The following N4BP2 variants were observed in gnomAD, a reference collection of about 807,000 sequenced individuals.
The protein encoded by N4BP2 is NEDD4-binding protein 2.
Under a neutral mutation model 152.8 loss-of-function variants are expected in N4BP2, and 91 were observed. That is an observed-to-expected ratio of 0.60 (90% CI 0.50 to 0.71). The LOEUF (loss-of-function observed/expected upper bound fraction) is 0.71, where lower values mean the gene tolerates loss of function less well. N4BP2 is among the 30% of genes least tolerant of loss of function. N4BP2 has a pLI of 0.00. For synonymous variants in N4BP2, 646 were observed against 705.3 expected (o/e 0.92, Z 1.33); for missense variants, 1,923 against 2,059.1 (o/e 0.93, Z 1.28).
intron 1 of N4BP2, among the ~76,000 whole-genome samples, chr4:40,062,562 C>CTT (rs1330023601): frequency 2.9e-4 from 40 of 137,214 alleles, no homozygotes; most frequent in South Asian, 7.0e-4. Context: ...TTCTGAACTT[C>CTT]TTTTTTTTTT....
chr4:40,173,995 A>C, the N4BP2 span, among the ~76,000 whole-genome samples: 4 of 152,226 alleles, frequency 2.6e-5, no homozygotes, highest in African/African-American at 4.8e-5. Context: ...TGAGAAAAAA[A>C]CACTAAAACT....
chr4:40,141,168 G>T (rs186782966), intron 14 of N4BP2, among the ~76,000 whole-genome samples: 3,732 of 152,056 alleles, frequency 0.025, 158 homozygotes, highest in African/African-American at 0.086. Flanking sequence ...AGGGGCAGCC[G>T]GGCAGAGGCG....
At chr4:40,171,584 T>G in the N4BP2 span, among the ~76,000 whole-genome samples, 2,897 of 152,266 alleles carry the variant, frequency 0.019, 88 homozygotes, top group African/African-American at 0.065. Context: ...ATTGGAGGTA[T>G]TCTTTACAGA....
chr4:40,141,647 C>A (rs563414038), intron 14 of N4BP2, among the ~76,000 whole-genome samples: 1 of 151,958 alleles, frequency 6.6e-6, no homozygotes, highest in Admixed American at 6.6e-5. Context: ...AGATGATGGG[C>A]GGCCAGGCAG....
chr4:40,064,721 A>C (rs1035894409), intron 1 of N4BP2, among the ~76,000 whole-genome samples: 1 of 152,164 alleles, frequency 6.6e-6, no homozygotes, highest in Non-Finnish European at 1.5e-5. Flanking sequence ...ATGCTTTGAG[A>C]TAGTGGGAAA....
rs775045891 is a variant in N4BP2, at chr4:40,106,896, A to C, written c.1374-4A>C. 3 of 1,599,394 alleles carry C rather than the reference A, an allele frequency of 1.9e-6. No individual in the cohort carries two copies. The highest frequency in any genetic ancestry group is 1.3e-5 in the African/African-American group (1 of 74,370). ...ATGAAAATTATTTCATTTATCTTTC[A>C]CAGGACTTTGCAAGAGGATAATCCA... On this transcript the variant is annotated splice_region_variant and splice_polypyrimidine_tract_variant and intron_variant, in intron 4 of 17. Coordinates refer to ENST00000261435, the MANE Select transcript of N4BP2 (RefSeq NM_018177.6).
chr4:40,121,680 C>T lies in N4BP2; in HGVS notation c.3569C>T (p.Ser1190Leu). ...GGGATTGGTATTAGTAACGCTGACTCACAGTCTACTTGTGATGCAGAAAGA... is the reference window on the plus strand; with the variant it reads ...GGGATTGGTATTAGTAACGCTGACTTACAGTCTACTTGTGATGCAGAAAGA... ...SHGIGISNAD[S>L]QSTCDAERGN... The change falls in exon 9 of 18, where the codon TCA becomes TTA. Residue 1190 changes from serine (S) to leucine (L), a missense_variant. Ser to Leu is a moderately radical substitution (Grantham distance 145). Transcript: ENST00000261435. 4 of 1,614,124 alleles carry T rather than the reference C, an allele frequency of 2.5e-6. No homozygotes were observed. Among genetic ancestry groups the T allele is most frequent in the Non-Finnish European group, 1.7e-6 (2 of 1,180,024 alleles).
At chr4:40,186,725 C>G in the N4BP2 span, among the ~76,000 whole-genome samples, 1 of 152,276 alleles carries the variant, frequency 6.6e-6, no homozygotes, top group African/African-American at 2.4e-5. Flanking sequence ...TTGCAGTGAG[C>G]TGATATTGTC....
chr4:40,162,686 C>T (rs1472620024), downstream of N4BP2, among the ~76,000 whole-genome samples: 1 of 152,132 alleles, frequency 6.6e-6, no homozygotes, highest in Non-Finnish European at 1.5e-5. Flanking sequence ...GCAAATAATA[C>T]ACATTATTAT....
In N4BP2 at chr4:40,103,033, A is replaced by G. The variant is rs540805933; in HGVS notation, c.1188A>G (p.Thr396=). Residue 396 remains threonine, a synonymous_variant, in exon 4 of 18, where the codon ACA becomes ACG. Coordinates refer to ENST00000261435, the MANE Select transcript of N4BP2 (RefSeq NM_018177.6). ...TAAHWRSVNY[T]FPPSVISHTS... is the part of the protein sequence containing the mutation. ...CACACTGGAGATCTGTCAACTACAC[A>G]TTTCCACCCTCAGTTATTTCTCACA... The G allele has an allele frequency of 2.3e-5, 37 of 1,614,140 alleles. 1 individual carries two copies. In the South Asian group the frequency reaches 4.1e-4, roughly 18 times the overall value.
At chr4:40,187,955 A>G in the N4BP2 span, among the ~76,000 whole-genome samples, 1 of 152,266 alleles carries the variant, frequency 6.6e-6, no homozygotes, top group Non-Finnish European at 1.5e-5. Flanking sequence ...ATAAAAAGAC[A>G]AAAAGAGACA....
At chr4:40,061,756 C>T (rs1355723502) in intron 1 of N4BP2, among the ~76,000 whole-genome samples, 2 of 150,850 alleles carry the variant, frequency 1.3e-5, no homozygotes, top group African/African-American at 4.9e-5. Context: ...CCTCCGCCTA[C>T]CACATTCAAG....
At chr4:40,092,017 T>A (rs1161944109) in intron 2 of N4BP2, among the ~76,000 whole-genome samples, 1 of 96,616 alleles carries the variant, frequency 1.0e-5, no homozygotes, top group African/African-American at 3.7e-5. Context: ...ATTATATATA[T>A]ATATATATAT....
At chr4:40,124,116 T>G in intron 10 of N4BP2, 44 bp from the exon 11 acceptor site, 1 of 1,511,584 alleles carries the variant, frequency 6.6e-7, no homozygotes, top group Non-Finnish European at 9.2e-7. Context: ...TGTTTACTAA[T>G]GCACTCCCTG....
chr4:40,168,627 CA>C, the N4BP2 span, among the ~76,000 whole-genome samples: 1 of 151,154 alleles, frequency 6.6e-6, no homozygotes, highest in Admixed American at 6.6e-5. Flanking sequence ...ATCTAGTAGA[CA>C]AAAAATAGGA....
At chr4:40,124,058 T>C (rs1381586822) in intron 10 of N4BP2, 102 bp from the exon 11 acceptor site, 9 of 828,444 alleles carry the variant, frequency 1.1e-5, no homozygotes, top group South Asian at 1.6e-5. Flanking sequence ...TTTACAGTTA[T>C]ACAAGGAGAA....
Position 40,121,012 on chromosome 4 carries a change from G to C in N4BP2, c.2901G>C (p.Lys967Asn). 1 of 1,614,098 alleles carries C rather than the reference G, an allele frequency of 6.2e-7. No homozygotes were observed. The highest frequency in any genetic ancestry group is 8.5e-7 in the Non-Finnish European group (1 of 1,180,024). The change falls in exon 9 of 18, where the codon AAG (lysine) becomes AAC (asparagine). Residue 967 changes from lysine to asparagine, a missense_variant. By Grantham distance (94) the Lys-to-Asn change is moderately conservative. Coordinates refer to ENST00000261435, the MANE Select transcript of N4BP2 (RefSeq NM_018177.6). Reference protein sequence around the residue: ...TCESQTCLSKKSHGQHTSLPL... With the variant: ...TCESQTCLSKNSHGQHTSLPL... ...AGAGTCAGACTTGTCTAAGTAAAAA[G>C]AGTCATGGGCAACACACATCGTTGC...
chr4:40,138,660 A>G (rs1394568777), intron 14 of N4BP2, among the ~76,000 whole-genome samples: 2 of 152,220 alleles, frequency 1.3e-5, no homozygotes, highest in Admixed American at 6.5e-5. Context: ...TACAAAGACT[A>G]TTCTTTCCCC....
intron 3 of N4BP2, 25 bp downstream of exon 3, chr4:40,097,594 C>CT (rs1715219281): frequency 7.2e-7 from 1 of 1,388,026 alleles, no homozygotes; most frequent in Non-Finnish European, 1.0e-6. Context: ...AGTTTGAACC[C>CT]TGTCCATCTT....
Sources: allele counts gnomAD v4.1 joint callset (sites outside exome capture counted in the v4.1 genomes callset), GRCh38; gene constraint gnomAD v4.1.1; transcripts MANE v1.5; gene names NCBI Gene and HGNC (gene_info 2026-07-23, HGNC 2026-07-21).